Variants in SNX25 observed in about 807,000 individuals in gnomAD.
The protein encoded by SNX25 is sorting nexin-25.
Under a neutral mutation model 113.7 loss-of-function variants are expected in SNX25, and 62 were observed. That is an observed-to-expected ratio of 0.55 (90% CI 0.44 to 0.67). The LOEUF (loss-of-function observed/expected upper bound fraction) is 0.67. SNX25 is among the 30% of genes least tolerant of loss of function. The pLI is 0.00. For synonymous variants in SNX25, 421 were observed against 436.2 expected, an observed-to-expected ratio of 0.97 and a Z score of 0.43; for missense variants, 1,014 against 1,161.0, an observed-to-expected ratio of 0.87 and a Z score of 1.84.
intron 5 of SNX25, among the ~76,000 whole-genome samples, chr4:185,279,512 T>G (rs1560963223): frequency 6.6e-6 from 1 of 151,474 alleles, no homozygotes; most frequent in Non-Finnish European, 1.5e-5. Flanking sequence ...AGTCCTAACT[T>G]AAAATACTAT....
chr4:185,330,223 A>G (rs953430563), intron 9 of SNX25, among the ~76,000 whole-genome samples: 15 of 152,114 alleles, frequency 9.9e-5, no homozygotes, highest in Non-Finnish European at 2.1e-4. Context: ...AGTTTATTGC[A>G]GGGTTGGAAT....
chr4:185,252,460 T>C (rs1745807402), intron 2 of SNX25, among the ~76,000 whole-genome samples: 1 of 152,206 alleles, frequency 6.6e-6, no homozygotes, highest in South Asian at 2.1e-4. Flanking sequence ...GTTAAGGCTG[T>C]AGTAATTTGA....
In SNX25 at chr4:185,210,353, T is replaced by G. The variant is rs1379809252; in HGVS notation, c.429+98T>G. The G allele has an allele frequency of 1.0e-6, 1 of 978,406 alleles. No individual in the cohort carries two copies. The highest frequency in any genetic ancestry group is 1.2e-6 in the Non-Finnish European group (1 of 825,816). 60.6% of individuals were successfully genotyped at this position (978,406 alleles called of 1,614,324 possible). On this transcript the variant is annotated intron_variant, in intron 1 of 18. Transcript: ENST00000652585. This position sits in a 1 kb window ranked among gnomAD's most constrained non-coding sequence, Gnocchi z 4.4. ...GCTCCGGGGGGCCGCGGCATGCCCT[T>G]GTCGAAGCGGGAAGCCGGGAGCCAG...
intron 7 of SNX25, 140 bp from the exon 8 acceptor site, chr4:185,320,593 A>C (rs1400790160): frequency 1.5e-5 from 8 of 545,820 alleles, no homozygotes; most frequent in African/African-American, 3.8e-5. Context: ...TAAATAGTAA[A>C]TTACTACAAT....
At chr4:185,350,742 G>A (rs970521414) in intron 13 of SNX25, among the ~76,000 whole-genome samples, 3 of 152,108 alleles carry the variant, frequency 2.0e-5, no homozygotes, top group Admixed American at 6.5e-5. Context: ...TGCACCTGTA[G>A]TCCCAGCTAC....
intron 9 of SNX25, among the ~76,000 whole-genome samples, chr4:185,329,677 G>GAC (rs2095180716): frequency 6.7e-6 from 1 of 150,120 alleles, no homozygotes; most frequent in African/African-American, 2.5e-5. Context: ...GAGGAAGACA[G>GAC]ACACAGAGAG....
rs1448515614 is a variant in SNX25, at chr4:185,334,261, C to G, written c.1914+1502C>G. On this transcript the variant is annotated intron_variant, in intron 10 of 18. Transcript: ENST00000652585. This position sits in a 1 kb window ranked among gnomAD's most constrained non-coding sequence, Gnocchi z 4.2. ...GGTGAGGCAGGAGAATCTCTTGAAC[C>G]CGGGAGGCAGAAGTTGCGTGAGCCA... Among the ~76,000 whole-genome samples, 2 of 152,070 alleles carry G rather than the reference C, an allele frequency of 1.3e-5. No homozygotes were observed. The highest frequency in any genetic ancestry group is 2.4e-5 in the African/African-American group (1 of 41,392).
chr4:185,362,806 C>A, intron 18 of SNX25, 95 bp downstream of exon 18: 1 of 763,840 alleles, frequency 1.3e-6, no homozygotes, highest in Non-Finnish European at 2.2e-6. Context: ...CTGCAGCACT[C>A]TCATTCTCAC....
intron 5 of SNX25, among the ~76,000 whole-genome samples, chr4:185,267,761 C>T (rs939635554): frequency 6.6e-6 from 1 of 151,608 alleles, no homozygotes; most frequent in African/African-American, 2.4e-5. Flanking sequence ...TCTCCAAATA[C>T]TTAACTACTA....
At chr4:185,364,922 CTA>C (rs2095380910), downstream of SNX25, 1 of 152,084 alleles carries the variant, frequency 6.6e-6, no homozygotes, top group African/African-American at 2.4e-5. Flanking sequence ...AGAAAGATCA[CTA>C]TTATTTTGTC....
downstream of SNX25, chr4:185,373,012 A>G (rs773456843): frequency 1.9e-6 from 3 of 1,613,714 alleles, no homozygotes; most frequent in South Asian, 2.2e-5. Context: ...ATACAAGTAC[A>G]TGAGCCCAAG....
At chr4:185,375,487 A>AATATGTATAT in the SNX25 span, 2 of 12,010 alleles carry the variant, frequency 1.7e-4, no homozygotes, top group South Asian at 5.6e-3. Flanking sequence ...AAAAAAAAAA[A>AATATGTATAT]ATATATATAT....
At chr4:185,278,024 G>A (rs1203714859) in intron 5 of SNX25, among the ~76,000 whole-genome samples, 1 of 45,240 alleles carries the variant, frequency 2.2e-5, no homozygotes, top group Non-Finnish European at 4.9e-5. Flanking sequence ...GAGCCACCGC[G>A]CCCGGCCTTA....
chr4:185,226,461 G>T (rs1741012012), intron 1 of SNX25, among the ~76,000 whole-genome samples: 2 of 148,246 alleles, frequency 1.3e-5, no homozygotes, highest in Admixed American at 1.4e-4. Context: ...TTTTGTTGTT[G>T]TTTGTTTGAG....
At chr4:185,265,653 T>C (rs1747965359) in intron 4 of SNX25, among the ~76,000 whole-genome samples, 1 of 152,228 alleles carries the variant, frequency 6.6e-6, no homozygotes, top group South Asian at 2.1e-4. Flanking sequence ...TAAATTAACC[T>C]TAGCTTACTA....
rs61731371 is a variant in SNX25, at chr4:185,351,567, A to G, written c.2424A>G (p.Ser808=). The part of the protein sequence containing the change: ...QGKKNSFSLS[S]FLERLPRDFF... ...AAAAAAATTCTTTTTCATTATCCTCATTTTTGGAAAGACTTCCTCGCGACT... is the reference window on the plus strand; with the variant it reads ...AAAAAAATTCTTTTTCATTATCCTCGTTTTTGGAAAGACTTCCTCGCGACT... The change falls in exon 14 of 19, where the codon TCA becomes TCG. Residue 808 remains serine (S), a synonymous_variant. Coordinates refer to ENST00000652585, the MANE Select transcript of SNX25 (RefSeq NM_001378034.2). The G allele has an allele frequency of 0.048, 77,965 of 1,613,908 alleles. 2,246 individuals carry two copies. Among genetic ancestry groups the G allele is most frequent in the South Asian group, 0.073 (6,615 of 91,070 alleles).
chr4:185,306,023 T>C (rs553883564), intron 6 of SNX25, among the ~76,000 whole-genome samples: 1 of 152,210 alleles, frequency 6.6e-6, no homozygotes, highest in South Asian at 2.1e-4. Flanking sequence ...TTTCTAACAA[T>C]GCACAGTGTT....
At chr4:185,323,498 T>C (rs761921738) in intron 8 of SNX25, 30 bp from the exon 9 acceptor site, 6 of 1,582,374 alleles carry the variant, frequency 3.8e-6, no homozygotes, top group Admixed American at 1.9e-5. Context: ...ATGATATGTC[T>C]TACTTTTCCT....
At chr4:185,277,733 T>A (rs1376931146) in intron 5 of SNX25, among the ~76,000 whole-genome samples, 2 of 35,708 alleles carry the variant, frequency 5.6e-5, no homozygotes, top group African/African-American at 2.0e-4. Flanking sequence ...TTTTTTTTTT[T>A]TTTTTTTTTT....
Sources: gnomAD v4.1 joint callset for allele counts (sites outside exome capture counted in the v4.1 genomes callset) on GRCh38, gnomAD v4.1.1 for gene constraint, Gnocchi (gnomAD v3.1) non-coding constraint, MANE v1.5 for transcripts, NCBI Gene and HGNC (gene_info 2026-07-23, HGNC 2026-07-21) for gene names.